KCNH8: variants seen among roughly 807,000 people sequenced by gnomAD.
The protein encoded by KCNH8 is voltage-gated delayed rectifier potassium channel KCNH8.
Under a neutral mutation model 103.6 loss-of-function variants are expected in KCNH8, and 70 were observed. The ratio of observed to expected loss-of-function variants is 0.68; its 90% confidence interval spans 0.56 to 0.82. The LOEUF (loss-of-function observed/expected upper bound fraction) is 0.82. Ranked by LOEUF, KCNH8 falls within the 40% of genes least tolerant of loss-of-function variation. The probability of loss-of-function intolerance (pLI) is 0.00; values close to 1 mark genes in which losing one functional copy is unlikely to be tolerated. For synonymous variants in KCNH8, 498 were observed against 489.4 expected, an observed-to-expected ratio of 1.02 and a Z score of -0.23; for missense variants, 1,217 against 1,329.9, an observed-to-expected ratio of 0.92 and a Z score of 1.32.
At chr3:19,399,341 GT>G (rs1218669240) in intron 7 of KCNH8, among the ~76,000 whole-genome samples, 1 of 151,838 alleles carries the variant, frequency 6.6e-6, no homozygotes. Flanking sequence ...GACCTTGCAT[GT>G]TTTCTTATAT....
At chr3:19,217,517 CATA>C (rs2063829742) in intron 1 of KCNH8, among the ~76,000 whole-genome samples, 1 of 152,170 alleles carries the variant, frequency 6.6e-6, no homozygotes. Context: ...CAAATACTTA[CATA>C]ATATTTACAG....
rs541682905 is a variant in KCNH8, at chr3:19,452,884, T to A, written c.1825+1480T>A. Among the ~76,000 whole-genome samples, 192 of 152,208 alleles carry A rather than the reference T, an allele frequency of 1.3e-3. 1 individual carries two copies. Among genetic ancestry groups the A allele is most frequent in the South Asian group, 2.9e-3 (14 of 4,818 alleles). ...TAAACAATATCTATTTTTCTAATTT[T>A]AAAAAAACCCTGCACTCATATGTTT... On this transcript the variant is annotated intron_variant, in intron 10 of 15. Coordinates refer to ENST00000328405, the MANE Select transcript of KCNH8 (RefSeq NM_144633.3).
At chr3:19,505,796 C>T (rs910303922) in intron 11 of KCNH8, among the ~76,000 whole-genome samples, 1 of 152,130 alleles carries the variant, frequency 6.6e-6, no homozygotes, top group Non-Finnish European at 1.5e-5. Flanking sequence ...TTCAGGGACC[C>T]CAGTGATTCA....
chr3:19,326,366 T>C lies in KCNH8; in HGVS notation c.443-16221T>C, dbSNP rs868220304. On this transcript the variant is annotated intron_variant, in intron 3 of 15. Transcript: ENST00000328405. ...TTACAATGAAAGTTAAATATATATA[T>C]ATATATATATATATATAATAAATGA... Among the ~76,000 whole-genome samples the C allele has an allele frequency of 8.0e-3, 1,175 of 146,888 alleles. 24 individuals carry two copies. The highest frequency in any genetic ancestry group is 0.027 in the African/African-American group (1,081 of 40,188).
intron 1 of KCNH8, among the ~76,000 whole-genome samples, chr3:19,177,584 CTT>C (rs2063412520): frequency 6.6e-6 from 1 of 151,858 alleles, no homozygotes; most frequent in African/African-American, 2.4e-5. Context: ...CATATTAAAA[CTT>C]GAGTATTTAA....
chr3:19,453,917 A>C (rs1395631027), intron 10 of KCNH8, among the ~76,000 whole-genome samples: 7 of 152,078 alleles, frequency 4.6e-5, no homozygotes, highest in African/African-American at 9.7e-5. Flanking sequence ...ATGATGAAAG[A>C]CCCATATGCT....
chr3:19,264,341 T>C (rs1247218551), intron 2 of KCNH8, among the ~76,000 whole-genome samples: 1 of 152,124 alleles, frequency 6.6e-6, no homozygotes, highest in Non-Finnish European at 1.5e-5. Context: ...GCTTTGTATT[T>C]GTAAATGTAG....
At position 19,340,159 on chromosome 3, in the gene KCNH8, A is replaced by G. The variant is rs368405937; in HGVS notation, c.443-2428A>G. Among the ~76,000 whole-genome samples the G allele has an allele frequency of 2.1e-3, 326 of 152,238 alleles. 2 individuals are homozygous for G. The highest frequency in any genetic ancestry group is 7.1e-3 in the African/African-American group (297 of 41,572). Reference sequence around the variant, plus strand: ...AGATCTAGAACAGAGCCTGGCGCACAGTAGGCATCAGCAACAGTCATATGG... The same window carrying G: ...AGATCTAGAACAGAGCCTGGCGCACGGTAGGCATCAGCAACAGTCATATGG... On this transcript the variant is annotated intron_variant, in intron 3 of 15. Transcript: ENST00000328405.
intron 5 of KCNH8, among the ~76,000 whole-genome samples, chr3:19,371,109 C>A (rs1222601373): frequency 6.6e-6 from 1 of 151,458 alleles, no homozygotes; most frequent in Non-Finnish European, 1.5e-5. Context: ...ATTTATAATC[C>A]TTTGGGTATA....
At chr3:19,519,680 C>T (rs983661181) in intron 15 of KCNH8, among the ~76,000 whole-genome samples, 10 of 151,536 alleles carry the variant, frequency 6.6e-5, no homozygotes, top group African/African-American at 2.2e-4. Context: ...AAAAAAACAC[C>T]GAAACCCAAA....
chr3:19,352,107 C>T (rs2065811557), intron 5 of KCNH8, among the ~76,000 whole-genome samples: 1 of 152,082 alleles, frequency 6.6e-6, no homozygotes, highest in Non-Finnish European at 1.5e-5. Flanking sequence ...ATAAAACAGA[C>T]TTTAAACCAA....
intron 8 of KCNH8, among the ~76,000 whole-genome samples, chr3:19,447,018 G>A (rs768740631): frequency 2.0e-5 from 3 of 151,932 alleles, no homozygotes; most frequent in East Asian, 3.9e-4. Context: ...AAAAAGAGAC[G>A]CCCACACACT....
chr3:19,422,850 G>A (rs1466905152), intron 7 of KCNH8, among the ~76,000 whole-genome samples: 1 of 152,050 alleles, frequency 6.6e-6, no homozygotes, highest in East Asian at 1.9e-4. Flanking sequence ...GGGGTGGGAA[G>A]TCTAAGGAAG....
At chr3:19,454,034 A>G (rs1237670499) in intron 10 of KCNH8, among the ~76,000 whole-genome samples, 2 of 152,042 alleles carry the variant, frequency 1.3e-5, no homozygotes, top group Non-Finnish European at 2.9e-5. Flanking sequence ...TTTCTCCTCA[A>G]TAGAAAGGCA....
intron 1 of KCNH8, among the ~76,000 whole-genome samples, chr3:19,227,645 G>A (rs2063946639): frequency 6.6e-6 from 1 of 152,194 alleles, no homozygotes; most frequent in South Asian, 2.1e-4. Flanking sequence ...TGAGTTTAAT[G>A]TAAAACAAAA....
intron 1 of KCNH8, among the ~76,000 whole-genome samples, chr3:19,242,468 C>T (rs1007774398): frequency 6.6e-6 from 1 of 152,022 alleles, no homozygotes; most frequent in Non-Finnish European, 1.5e-5. Flanking sequence ...CTTTAAGCTT[C>T]CATAGTTCTA....
chr3:19,239,895 A>G (rs1228163378), intron 1 of KCNH8, among the ~76,000 whole-genome samples: 1 of 152,200 alleles, frequency 6.6e-6, no homozygotes, highest in African/African-American at 2.4e-5. Flanking sequence ...TAACCAAAGC[A>G]GGGAACGGAG....
intron 3 of KCNH8, among the ~76,000 whole-genome samples, chr3:19,312,928 GTGT>G (rs561068075): frequency 6.6e-6 from 1 of 151,980 alleles, no homozygotes; most frequent in African/African-American, 2.4e-5. Flanking sequence ...GGATGACTTC[GTGT>G]TGTTCTGGAT....
intron 1 of KCNH8, among the ~76,000 whole-genome samples, chr3:19,193,859 G>A (rs932487118): frequency 2.0e-5 from 3 of 151,614 alleles, no homozygotes; most frequent in East Asian, 1.9e-4. Context: ...GTTTTTGTTT[G>A]TGTGTGTGCA....
Sources: allele counts gnomAD v4.1 joint callset (sites outside exome capture counted in the v4.1 genomes callset), GRCh38; gene constraint gnomAD v4.1.1; transcripts MANE v1.5; gene names NCBI Gene and HGNC (gene_info 2026-07-23, HGNC 2026-07-21).